UTRN: variants seen among roughly 807,000 people sequenced by gnomAD.
UTRN encodes utrophin, also known as dystrophin-related protein 1.
A neutral mutation model predicts 463.9 loss-of-function variants in UTRN; 283 were observed. That is an observed-to-expected ratio of 0.61 (90% CI 0.55 to 0.67). UTRN has a LOEUF of 0.67. UTRN is among the 30% of genes least tolerant of loss of function. The pLI, the probability that UTRN is intolerant of heterozygous loss-of-function variation, is 0.00. For missense variants in UTRN, 3,922 were observed against 4,084.3 expected, an observed-to-expected ratio of 0.96 and a Z score of 1.08; for synonymous variants, 1,442 against 1,431.5, an observed-to-expected ratio of 1.01 and a Z score of -0.17.
intron 33 of UTRN, among the ~76,000 whole-genome samples, chr6:144,498,620 C>A (rs1489741156): frequency 6.6e-6 from 1 of 151,698 alleles, no homozygotes; most frequent in Non-Finnish European, 1.5e-5. Context: ...TTATTTCTGC[C>A]CTTTTATGTG....
intron 51 of UTRN, among the ~76,000 whole-genome samples, chr6:144,609,627 C>G (rs889059647): frequency 6.6e-6 from 1 of 152,236 alleles, no homozygotes; most frequent in East Asian, 1.9e-4. Context: ...ACAGAATACA[C>G]GTTCTTCTTA....
At chr6:144,734,261 C>G (rs112903786) in intron 54 of UTRN, among the ~76,000 whole-genome samples, 32 of 152,244 alleles carry the variant, frequency 2.1e-4, no homozygotes, top group African/African-American at 7.7e-4. Flanking sequence ...GTAGAGAATT[C>G]TTTGAAAGAG....
intron 65 of UTRN, among the ~76,000 whole-genome samples, chr6:144,815,649 C>G: frequency 6.6e-6 from 1 of 152,240 alleles, no homozygotes; most frequent in East Asian, 1.9e-4. Flanking sequence ...GGCCAGAAGA[C>G]TCAGCAAGTC....
intron 2 of UTRN, among the ~76,000 whole-genome samples, chr6:144,358,000 G>A (rs2114676542): frequency 6.6e-6 from 1 of 152,308 alleles, no homozygotes; most frequent in South Asian, 2.1e-4. Context: ...CTTGAGCTTT[G>A]GAGCCAGACT....
chr6:144,478,655 C>G (rs552316277), intron 25 of UTRN, among the ~76,000 whole-genome samples: 1 of 152,300 alleles, frequency 6.6e-6, no homozygotes, highest in South Asian at 2.1e-4. Context: ...ACTCTAACTT[C>G]TGTGAGAACC....
At chr6:144,611,048 C>A (rs1562646846) in intron 51 of UTRN, among the ~76,000 whole-genome samples, 1 of 152,112 alleles carries the variant, frequency 6.6e-6, no homozygotes, top group Non-Finnish European at 1.5e-5. Flanking sequence ...GGAAGGATGG[C>A]CCAACATATG....
intron 23 of UTRN, among the ~76,000 whole-genome samples, chr6:144,472,809 C>G (rs1339556054): frequency 2.6e-5 from 4 of 151,246 alleles, no homozygotes; most frequent in South Asian, 2.1e-4. Flanking sequence ...TGCTCTGTCG[C>G]CAGGCTGGAG....
intron 54 of UTRN, among the ~76,000 whole-genome samples, chr6:144,747,346 G>T (rs897802073): frequency 2.0e-5 from 3 of 152,210 alleles, no homozygotes; most frequent in Non-Finnish European, 4.4e-5. Flanking sequence ...GTAGAAGATA[G>T]TGAGGCCCCA....
At chr6:144,721,442 C>T (rs1787158970) in intron 53 of UTRN, among the ~76,000 whole-genome samples, 1 of 152,202 alleles carries the variant, frequency 6.6e-6, no homozygotes, top group Admixed American at 6.5e-5. Context: ...TTTCTGGCCT[C>T]AAGCAATCCT....
intron 2 of UTRN, among the ~76,000 whole-genome samples, chr6:144,333,042 C>A (rs1335286077): frequency 2.0e-5 from 3 of 151,958 alleles, no homozygotes; most frequent in Non-Finnish European, 2.9e-5. Flanking sequence ...CCAGCCAATT[C>A]TCCTGCCTTA....
chr6:144,429,486 G>T, intron 8 of UTRN, 95 bp from the exon 9 acceptor site: 1 of 1,109,652 alleles, frequency 9.0e-7, no homozygotes, highest in Non-Finnish European at 1.3e-6. Context: ...TATTGTTTAT[G>T]GGTACTAAGG....
At chr6:144,633,286 A>G (rs182467429) in intron 51 of UTRN, among the ~76,000 whole-genome samples, 36 of 149,314 alleles carry the variant, frequency 2.4e-4, no homozygotes, top group African/African-American at 7.2e-4. Context: ...CTGAAGTGCA[A>G]TGGCGCGATC....
intron 50 of UTRN, among the ~76,000 whole-genome samples, chr6:144,569,399 G>A (rs962167868): frequency 1.3e-5 from 2 of 151,552 alleles, no homozygotes; most frequent in African/African-American, 4.9e-5. Flanking sequence ...AAAATTCCAG[G>A]ACACTTATCA....
chr6:144,605,270 T>A (rs1804719261), intron 51 of UTRN, among the ~76,000 whole-genome samples: 1 of 152,134 alleles, frequency 6.6e-6, no homozygotes, highest in African/African-American at 2.4e-5. Flanking sequence ...AATTAAATTT[T>A]TCATGCATCA....
At chr6:144,683,495 C>T (rs1188100270) in intron 52 of UTRN, among the ~76,000 whole-genome samples, 1 of 152,160 alleles carries the variant, frequency 6.6e-6, no homozygotes, top group Non-Finnish European at 1.5e-5. Flanking sequence ...CCTTCATTGC[C>T]TACTGAAAGT....
chr6:144,838,152 TG>T (rs1381314727), intron 71 of UTRN, among the ~76,000 whole-genome samples: 1 of 152,246 alleles, frequency 6.6e-6, no homozygotes. Flanking sequence ...TTGCCATGGC[TG>T]GTTGATGCCC....
intron 50 of UTRN, among the ~76,000 whole-genome samples, chr6:144,573,464 C>T (rs1023649427): frequency 2.6e-5 from 4 of 151,928 alleles, no homozygotes; most frequent in Admixed American, 2.0e-4. Context: ...GAGGCCGAGG[C>T]GGGCCGATCA....
At chr6:144,401,879 C>T (rs548315678) in intron 2 of UTRN, among the ~76,000 whole-genome samples, 4 of 152,228 alleles carry the variant, frequency 2.6e-5, no homozygotes, top group Admixed American at 2.0e-4. Context: ...TGGGCTTCCT[C>T]CATTATTATT....
At chr6:144,549,955 T>C (rs1798755795) in intron 47 of UTRN, among the ~76,000 whole-genome samples, 1 of 152,232 alleles carries the variant, frequency 6.6e-6, no homozygotes. Flanking sequence ...TTTTTAAAAT[T>C]GTGTTTATGA....
Sources: allele counts gnomAD v4.1 joint callset (sites outside exome capture counted in the v4.1 genomes callset), GRCh38; gene constraint gnomAD v4.1.1; transcripts MANE v1.5; gene names NCBI Gene and HGNC (gene_info 2026-07-23, HGNC 2026-07-21).